RBFOX1: variants seen among roughly 807,000 people sequenced by gnomAD.
RBFOX1 encodes the protein RNA binding fox-1 homolog 1, also known as RNA binding protein fox-1 homolog 1.
In RBFOX1, 8 loss-of-function variants were observed where a neutral mutation model predicts 57.7. The observed-to-expected ratio is 0.14, with a 90% CI of 0.08 to 0.25. The LOEUF is 0.25. RBFOX1 is among the 10% of genes least tolerant of loss of function. The pLI, the probability that RBFOX1 is intolerant of heterozygous loss-of-function variation, is 1.00. For missense variants in RBFOX1, 611 were observed against 548.5 expected, an observed-to-expected ratio of 1.11 and a Z score of -1.14; for synonymous variants, 326 against 222.4, an observed-to-expected ratio of 1.47 and a Z score of -4.15.
chr16:6,351,763 A>T (rs970014614), intron 2 of RBFOX1, among the ~76,000 whole-genome samples: 2 of 152,184 alleles, frequency 1.3e-5, no homozygotes, highest in African/African-American at 4.8e-5. Flanking sequence ...GTATTCTCAT[A>T]TATTAAATAC....
rs778728291 is a variant in RBFOX1, at chr16:7,333,041, G to A, written c.28-185106G>A. The A allele has an allele frequency of 2.6e-5, 42 of 1,613,812 alleles. No individual in the cohort carries two copies. The highest frequency in any genetic ancestry group is 4.5e-5 in the East Asian group (2 of 44,856). On this transcript the variant is annotated intron_variant, in intron 4 of 15. Transcript: ENST00000550418. The stretch of plus-strand genomic sequence containing the variant: ...AGGAGTTCTCCTGCATCCTTATGGC[G>A]TGCCTATGATTGTACCGGCAGCTCC...
At chr16:6,085,461 G>A (rs2096070104) in intron 1 of RBFOX1, among the ~76,000 whole-genome samples, 1 of 152,160 alleles carries the variant, frequency 6.6e-6, no homozygotes, top group South Asian at 2.1e-4. Flanking sequence ...TATAGAGAGG[G>A]GGTTTCACCA....
At chr16:7,175,227 G>A (rs921427210) in intron 4 of RBFOX1, among the ~76,000 whole-genome samples, 8 of 151,886 alleles carry the variant, frequency 5.3e-5, no homozygotes, top group Admixed American at 3.9e-4. Flanking sequence ...AGGCCCCAGT[G>A]TGTGTTGTTC....
At chr16:6,810,313 G>A (rs1371986405) in intron 3 of RBFOX1, among the ~76,000 whole-genome samples, 1 of 152,068 alleles carries the variant, frequency 6.6e-6, no homozygotes, top group African/African-American at 2.4e-5. Context: ...AAGGTTAAAT[G>A]AGACCCATGA....
chr16:6,122,937 TA>T (rs2096562610), intron 1 of RBFOX1, among the ~76,000 whole-genome samples: 1 of 145,054 alleles, frequency 6.9e-6, no homozygotes, highest in Non-Finnish European at 1.5e-5. Flanking sequence ...AGTAGAAAAA[TA>T]AAACAATTTT....
At chr16:5,869,573 T>C (rs2057419339) in intron 4 of RBFOX1, among the ~76,000 whole-genome samples, 1 of 152,252 alleles carries the variant, frequency 6.6e-6, no homozygotes, top group East Asian at 1.9e-4. Flanking sequence ...AGCTAGTTTT[T>C]GTATTTTTAG....
At chr16:5,286,376 G>T (rs1346031851) in intron 1 of RBFOX1, among the ~76,000 whole-genome samples, 2 of 152,288 alleles carry the variant, frequency 1.3e-5, no homozygotes, top group East Asian at 3.9e-4. Flanking sequence ...GCAGGTTCTC[G>T]TGGTGGGTAA....
At chr16:6,160,856 G>A (rs1397879463) in intron 1 of RBFOX1, among the ~76,000 whole-genome samples, 1 of 152,086 alleles carries the variant, frequency 6.6e-6, no homozygotes, top group Non-Finnish European at 1.5e-5. Flanking sequence ...CCTTAATCTC[G>A]AGTGTCCTTT....
intron 3 of RBFOX1, among the ~76,000 whole-genome samples, chr16:6,806,671 A>G (rs1025733303): frequency 6.6e-6 from 1 of 151,520 alleles, no homozygotes; most frequent in Non-Finnish European, 1.5e-5. Context: ...ATGCGCTAAA[A>G]TGATAATATT....
chr16:5,885,314 A>T (rs1018608550), intron 4 of RBFOX1, among the ~76,000 whole-genome samples: 6 of 146,146 alleles, frequency 4.1e-5, no homozygotes, highest in Admixed American at 3.4e-4. Flanking sequence ...AGACTCCTGG[A>T]GGCTTAAAAA....
At position 6,957,317 on chromosome 16, in the gene RBFOX1, C is replaced by G. The variant is rs1163371673; in HGVS notation, c.-15-94740C>G. On this transcript the variant is annotated intron_variant, in intron 3 of 15. Coordinates refer to ENST00000550418, the MANE Select transcript of RBFOX1 (RefSeq NM_018723.4). ...AGGCTAATTTTTTGTATTTTTAGTA[C>G]AGACGGGGTTTCACCATGTTAGCCA... is the stretch of plus-strand genomic sequence containing the variant. 5.9e-5 allele frequency among the ~76,000 whole-genome samples: 9 copies of G among 151,782 alleles called. No homozygotes were observed. In the South Asian group the frequency reaches 6.3e-4, roughly 11 times the overall value.
intron 4 of RBFOX1, among the ~76,000 whole-genome samples, chr16:7,261,131 T>C (rs2094903365): frequency 6.6e-6 from 1 of 150,750 alleles, no homozygotes; most frequent in Admixed American, 6.6e-5. Context: ...GTAGGACACA[T>C]ATCCAAAGAG....
At chr16:6,118,844 A>T (rs926085832) in intron 1 of RBFOX1, among the ~76,000 whole-genome samples, 6 of 142,450 alleles carry the variant, frequency 4.2e-5, no homozygotes, top group African/African-American at 1.6e-4. Context: ...CTCTTTCCCC[A>T]TCTTCTTCAC....
At chr16:5,775,799 C>T (rs79859909) in intron 3 of RBFOX1, among the ~76,000 whole-genome samples, 4,998 of 152,276 alleles carry the variant, frequency 0.033, 270 homozygotes, top group African/African-American at 0.11. Flanking sequence ...TAGCAATGTC[C>T]AGATGAAAGA....
At chr16:7,521,757 A>G (rs903225223) in intron 5 of RBFOX1, among the ~76,000 whole-genome samples, 1 of 152,252 alleles carries the variant, frequency 6.6e-6, no homozygotes, top group African/African-American at 2.4e-5. Context: ...AGAGGGTTAT[A>G]CCTTTCAGAG....
At chr16:6,405,969 A>G (rs1596701542) in intron 2 of RBFOX1, among the ~76,000 whole-genome samples, 2 of 152,354 alleles carry the variant, frequency 1.3e-5, no homozygotes, top group East Asian at 1.9e-4. Context: ...CCTACCTTGG[A>G]TGCTCACATA....
intron 4 of RBFOX1, among the ~76,000 whole-genome samples, chr16:7,273,034 T>A (rs1376681458): frequency 8.3e-6 from 1 of 120,156 alleles, no homozygotes; most frequent in African/African-American, 3.2e-5. Context: ...TTCCTTTTCT[T>A]TCCTTCCCCT....
chr16:7,260,857 C>T (rs926712105), intron 4 of RBFOX1, among the ~76,000 whole-genome samples: 1 of 152,120 alleles, frequency 6.6e-6, no homozygotes, highest in African/African-American at 2.4e-5. Flanking sequence ...GTTAGGGAAC[C>T]CCTATCTAAT....
rs1309801354 is a variant in RBFOX1 at position 6,289,728 on chromosome 16, TG to T, written c.-126-27261del. On this transcript the variant is annotated intron_variant, in intron 1 of 15. Coordinates refer to ENST00000550418, the MANE Select transcript of RBFOX1 (RefSeq NM_018723.4). ...TGAAAAGGTAAGGATGGTTGCATCC[TG>T]GGGGGAAAATGCCTTCCCAGGCAAT... Among the ~76,000 whole-genome samples, 23 of 152,128 alleles carry T rather than the reference TG, an allele frequency of 1.5e-4. 1 individual carries two copies. The highest frequency in any genetic ancestry group is 1.3e-3 in the Admixed American group (20 of 15,268).
Sources: gnomAD v4.1 joint callset for allele counts (sites outside exome capture counted in the v4.1 genomes callset) on GRCh38, gnomAD v4.1.1 for gene constraint, MANE v1.5 for transcripts, NCBI Gene and HGNC (gene_info 2026-07-23, HGNC 2026-07-21) for gene names.